GCN1: variants seen among roughly 807,000 people sequenced by gnomAD.
GCN1 encodes GCN1 activator of EIF2AK4.
A neutral mutation model predicts 288.4 loss-of-function variants in GCN1; 90 were observed. That is an observed-to-expected ratio of 0.31 (90% CI 0.26 to 0.37). The LOEUF (loss-of-function observed/expected upper bound fraction) is 0.37. Ranked by LOEUF, GCN1 falls within the 10% of genes least tolerant of loss-of-function variation. The pLI is 1.00. For synonymous variants in GCN1, 1,386 were observed against 1,420.2 expected, an observed-to-expected ratio of 0.98 and a Z score of 0.54; for missense variants, 2,586 against 3,419.9, an observed-to-expected ratio of 0.76 and a Z score of 6.08.
chr12:120,144,486 C>A lies in GCN1; in HGVS notation c.5353-38G>T, dbSNP rs1335562963. On this transcript the variant is annotated intron_variant, in intron 41 of 57. Transcript: ENST00000300648. The surrounding 1 kb of genome is among the most constrained non-coding windows in gnomAD (Gnocchi z 4.7). ...AGGGTGGGTCAGCCAGAGCTGCCAC[C>A]CCCAGGCCCCCAGCCCAAAAAACAT... 3.1e-6 allele frequency: 5 copies of A among 1,594,652 alleles called. No homozygotes were observed. The highest frequency in any genetic ancestry group is 2.2e-5 in the South Asian group (2 of 89,338).
intron 16 of GCN1, among the ~76,000 whole-genome samples, chr12:120,165,002 T>TATACACACAC (rs533586250): frequency 4.5e-4 from 62 of 136,896 alleles, no homozygotes; most frequent in African/African-American, 1.6e-3. Context: ...TACACATATA[T>TATACACACAC]ACACACACAC....
At chr12:120,139,030 C>T (rs893154044) in intron 45 of GCN1, 174 bp from the exon 46 acceptor site, 12 of 534,162 alleles carry the variant, frequency 2.2e-5, no homozygotes, top group Non-Finnish European at 3.9e-5. Flanking sequence ...AGAGAAGGGG[C>T]CGGGCACGGT....
At chr12:120,172,521 C>T (rs1166547) in intron 14 of GCN1, among the ~76,000 whole-genome samples, 3 of 152,016 alleles carry the variant, frequency 2.0e-5, no homozygotes, top group Middle Eastern at 3.2e-3. Flanking sequence ...GTTTCTTTTT[C>T]TTTTTTGAGA....
intron 1 of GCN1, among the ~76,000 whole-genome samples, chr12:120,193,602 C>G (rs907891012): frequency 6.6e-6 from 1 of 152,170 alleles, no homozygotes; most frequent in Non-Finnish European, 1.5e-5. Context: ...CCACGCCCAG[C>G]CAAACAATGA....
In GCN1 at chr12:120,149,958, G is replaced by C; in HGVS notation, c.4395C>G (p.Leu1465=). The change falls in exon 35 of 58, where the codon CTC becomes CTG. Residue 1465 remains leucine (L), a synonymous_variant. Coordinates refer to ENST00000300648, the MANE Select transcript of GCN1 (RefSeq NM_006836.2). ...PYVVHVLPHL[L]LCFGDGNQYV... is the part of the protein sequence containing the mutation. ...ACTGGTTTCCATCCCCAAAGCACAG[G>C]AGCAGATGGGGCAGCACGTGAACCA... is the stretch of plus-strand genomic sequence containing the variant. The C allele has an allele frequency of 6.2e-7, 1 of 1,614,096 alleles. No individual in the cohort carries two copies. Among genetic ancestry groups the C allele is most frequent in the East Asian group, 2.2e-5 (1 of 44,884 alleles).
chr12:120,163,006 C>G, intron 19 of GCN1, 35 bp from the exon 20 acceptor site: 2 of 1,613,950 alleles, frequency 1.2e-6, no homozygotes, highest in Non-Finnish European at 1.7e-6. Context: ...GGCCTTCTGC[C>G]TGGCCTGCTC....
chr12:120,179,451 G>C (rs1878582618), intron 5 of GCN1, among the ~76,000 whole-genome samples: 1 of 149,444 alleles, frequency 6.7e-6, no homozygotes, highest in African/African-American at 2.5e-5. Flanking sequence ...CCAGGCTGGA[G>C]TGCAGTGGTG....
intron 2 of GCN1, 104 bp from the exon 3 acceptor site, chr12:120,184,991 C>T (rs1228349329): frequency 1.3e-6 from 1 of 762,344 alleles, no homozygotes; most frequent in African/African-American, 1.7e-5. Context: ...TGGACACTCC[C>T]CATATATTTA....
chr12:120,175,968 A>T (rs1878470271), intron 10 of GCN1, 94 bp from the exon 11 acceptor site: 1 of 1,471,162 alleles, frequency 6.8e-7, no homozygotes, highest in Non-Finnish European at 9.4e-7. Context: ...CTTCAGTATT[A>T]GCTGTTTGCT....
chr12:120,160,662 T>C (rs1200435079), intron 22 of GCN1, among the ~76,000 whole-genome samples: 3 of 152,216 alleles, frequency 2.0e-5, no homozygotes, highest in South Asian at 2.1e-4. Flanking sequence ...AGGCCTGCTA[T>C]AGTGGCCTGA....
intron 39 of GCN1, 69 bp from the exon 40 acceptor site, chr12:120,145,130 C>G: frequency 6.3e-7 from 1 of 1,591,140 alleles, no homozygotes; most frequent in East Asian, 2.2e-5. Context: ...CACATGGGAG[C>G]AGGAAGGGGC....
rs1468975879 is a variant in GCN1, at chr12:120,153,223, G to A, written c.4052C>T (p.Pro1351Leu). Residue 1351 changes from proline (P) to leucine (L), a missense_variant, in exon 33 of 58, where the codon CCC becomes CTC. This residue lies in a region of GCN1 where 332 missense variants were observed against 403.0 expected (regional missense o/e 0.82). Coordinates refer to ENST00000300648, the MANE Select transcript of GCN1 (RefSeq NM_006836.2). The surrounding 1 kb of genome is among the most constrained non-coding windows in gnomAD (Gnocchi z 4.4). ...CCAGATGGCAGGTACCTGCTGGGAG[G>A]GGGTGGAGAGGGCAGCGATGAGCTT... ...VAKLIAALST[P>L]SQQVQESVAS... 2 of 1,613,990 alleles carry A rather than the reference G, an allele frequency of 1.2e-6. No individual in the cohort carries two copies. The highest frequency in any genetic ancestry group is 1.7e-5 in the Admixed American group (1 of 60,024).
chr12:120,162,174 C>T (rs1357293577), intron 20 of GCN1, 116 bp from the exon 21 acceptor site: 3 of 826,076 alleles, frequency 3.6e-6, no homozygotes, highest in Non-Finnish European at 3.8e-6. Flanking sequence ...TGCCTTGTTA[C>T]TCCTGGGCAA....
Position 120,156,486 on chromosome 12 carries a change from G to A in GCN1, c.3287C>T (p.Ala1096Val), listed in dbSNP as rs1172306770. 1.4e-5 allele frequency: 23 copies of A among 1,613,942 alleles called. No individual in the cohort carries two copies. The highest frequency in any genetic ancestry group is 1.9e-5 in the Non-Finnish European group (22 of 1,179,950). ...VLLCALQSPC[A>V]SVRETVLRGL... ...CCGGAGCACGGTTTCCCGCACGCTG[G>A]CACACGGGGACTGCAAGGCACAGAG... is the stretch of plus-strand genomic sequence containing the variant. Residue 1096 changes from alanine to valine, a missense_variant, in exon 28 of 58, where the codon GCC (alanine) becomes GTC (valine). Physicochemically the swap from Ala to Val is moderately conservative, Grantham distance 64. Coordinates refer to ENST00000300648, the MANE Select transcript of GCN1 (RefSeq NM_006836.2). This position sits in a 1 kb window ranked among gnomAD's most constrained non-coding sequence, Gnocchi z 5.8.
rs780313767 is a variant in GCN1 at position 120,127,876 on chromosome 12, C to T, written c.7989G>A (p.Glu2663=). The T allele has an allele frequency of 1.9e-6, 3 of 1,613,928 alleles. No homozygotes were observed. The highest frequency in any genetic ancestry group is 2.5e-6 in the Non-Finnish European group (3 of 1,179,726). The change falls in exon 58 of 58, where the codon GAG becomes GAA. Residue 2663 remains glutamate (E), a synonymous_variant. Transcript: ENST00000300648. ...KKLASQADST[E]QVDDTILT ...ATGTCAGGATGGTGTCGTCCACCTG[C>T]TCCGTGGAGTCGGCCTGGCTGGCCA...
chr12:120,132,898 C>A (rs80155582), intron 53 of GCN1, among the ~76,000 whole-genome samples: 3,570 of 152,300 alleles, frequency 0.023, 167 homozygotes, highest in African/African-American at 0.082. Context: ...GAGCTCGAAG[C>A]AGAAGCCCAG....
intron 34 of GCN1, 75 bp downstream of exon 34, chr12:120,151,070 C>T (rs1490545138): frequency 1.2e-5 from 18 of 1,532,654 alleles, no homozygotes; most frequent in South Asian, 2.4e-5. Context: ...TGGGGCGCCA[C>T]GGTCAGATTC....
rs1307158073 is a variant in GCN1, at chr12:120,144,225, C to T, written c.5495+81G>A. 8 of 1,503,072 alleles carry T rather than the reference C, an allele frequency of 5.3e-6. No homozygotes were observed. In the East Asian group the frequency reaches 1.8e-4, roughly 34 times the overall value. 93.1% of individuals were successfully genotyped at this position (1,503,072 alleles called of 1,614,324 possible). ...TCCTGGGTTTAAGCAATCCTCCTGCCTCGGCTTTCCAGAGTGCTCGGATTA... is the reference window on the plus strand; with the variant it reads ...TCCTGGGTTTAAGCAATCCTCCTGCTTCGGCTTTCCAGAGTGCTCGGATTA... On this transcript the variant is annotated intron_variant, in intron 42 of 57. Transcript: ENST00000300648. This position sits in a 1 kb window ranked among gnomAD's most constrained non-coding sequence, Gnocchi z 4.7.
At chr12:120,173,202 GC>G (rs372222829) in intron 14 of GCN1, among the ~76,000 whole-genome samples, 10 of 152,006 alleles carry the variant, frequency 6.6e-5, no homozygotes, top group African/African-American at 2.4e-4. Flanking sequence ...GATTACAGGT[GC>G]CCGCCACCAT....
Sources: gnomAD v4.1 joint callset for allele counts (sites outside exome capture counted in the v4.1 genomes callset) on GRCh38, gnomAD v4.1.1 for gene constraint, gnomAD v4.1.1 regional missense constraint, Gnocchi (gnomAD v3.1) non-coding constraint, MANE v1.5 for transcripts, NCBI Gene and HGNC (gene_info 2026-07-23, HGNC 2026-07-21) for gene names.